SUPT6H: variants seen among roughly 807,000 people sequenced by gnomAD.
SUPT6H encodes the protein SPT6 homolog, histone chaperone and transcription elongation factor.
Under a neutral mutation model 222.3 loss-of-function variants are expected in SUPT6H, and 11 were observed. That is an observed-to-expected ratio of 0.05 (90% confidence interval 0.03 to 0.08). The LOEUF is 0.08. Among genes scored for constraint, SUPT6H ranks in the 10% least tolerant of loss-of-function variants. SUPT6H has a pLI of 1.00. For synonymous variants in SUPT6H, 762 were observed against 801.2 expected, an observed-to-expected ratio of 0.95 and a Z score of 0.83; for missense variants, 1,422 against 2,216.0, an observed-to-expected ratio of 0.64 and a Z score of 7.19.
intron 35 of SUPT6H, 120 bp from the exon 36 acceptor site, chr17:28,700,821 T>C: frequency 1.6e-6 from 2 of 1,246,154 alleles, no homozygotes; most frequent in South Asian, 2.8e-5. Flanking sequence ...CAGAAGCACA[T>C]ACTCAGTGGA....
At chr17:28,701,271 T>C in intron 36 of SUPT6H, 143 bp downstream of exon 36, 1 of 1,408,254 alleles carries the variant, frequency 7.1e-7, no homozygotes, top group South Asian at 1.3e-5. Context: ...AGTTTCTGGG[T>C]GAAGACGGAA....
chr17:28,686,168 C>T (rs954604484), intron 19 of SUPT6H, among the ~76,000 whole-genome samples, 171 bp from the exon 20 acceptor site: 1 of 152,174 alleles, frequency 6.6e-6, no homozygotes, highest in Admixed American at 6.5e-5. Flanking sequence ...TAAGCAGAGG[C>T]AGGGTTGGCC....
At chr17:28,695,570 CTG>C (rs1567703778) in intron 29 of SUPT6H, 23 bp downstream of exon 29, 7 of 1,602,916 alleles carry the variant, frequency 4.4e-6, no homozygotes. Flanking sequence ...CCCACCATCT[CTG>C]TGCACCCTGC....
Position 28,686,681 on chromosome 17 carries a change from G to A in SUPT6H, c.2592G>A (p.Val864=). ...ACGCCCAGATGTTGATTGAAGATGT[G>A]AAGCGCATTGTACATGAGCTGGACC... ...NRDAQMLIED[V]KRIVHELDQG... is the part of the protein sequence containing the mutation. Residue 864 remains valine, a synonymous_variant, in exon 21 of 37, where the codon GTG becomes GTA. Transcript: ENST00000314616. 1 of 1,603,630 alleles carries A rather than the reference G, an allele frequency of 6.2e-7. No individual in the cohort carries two copies.
chr17:28,699,040 G>A (rs934533568), intron 32 of SUPT6H, among the ~76,000 whole-genome samples: 8 of 152,210 alleles, frequency 5.3e-5, no homozygotes, highest in Admixed American at 1.3e-4. Flanking sequence ...TAACACTTAC[G>A]GAAGAGTTAG....
intron 8 of SUPT6H, 51 bp downstream of exon 8, chr17:28,677,867 C>A (rs941672969): frequency 1.3e-6 from 2 of 1,527,598 alleles, no homozygotes; most frequent in African/African-American, 1.4e-5. Context: ...GACACTTCAT[C>A]AAGATGGGGA....
chr17:28,679,773 T>C (rs2030987081), intron 11 of SUPT6H, among the ~76,000 whole-genome samples: 1 of 151,574 alleles, frequency 6.6e-6, no homozygotes, highest in African/African-American at 2.4e-5. Context: ...GGGCGGGTCA[T>C]GAGGTCAGGA....
rs1280678716 is a variant in SUPT6H at position 28,665,157 on chromosome 17, CAT to C, written c.-32+2817_-32+2818del. 2.0e-5 allele frequency among the ~76,000 whole-genome samples: 3 copies of C among 152,186 alleles called. No individual in the cohort carries two copies. In the East Asian group the frequency reaches 5.8e-4, roughly 29 times the overall value. On this transcript the variant is annotated intron_variant, in intron 1 of 36. Transcript: ENST00000314616. The stretch of plus-strand genomic sequence containing the variant: ...GCCCTGCTTGAGCATACCTCTCCCT[CAT>C]AGGCTGCTGCCTTCACCATGCTCTA...
chr17:28,674,905 T>C, intron 4 of SUPT6H, 65 bp from the exon 5 acceptor site: 1 of 1,547,942 alleles, frequency 6.5e-7, no homozygotes, highest in Non-Finnish European at 8.8e-7. Context: ...GGAGTGAGAC[T>C]GGAGATTTGG....
intron 1 of SUPT6H, among the ~76,000 whole-genome samples, chr17:28,667,435 A>ATATATATATG (rs1491494572): frequency 3.1e-5 from 4 of 128,768 alleles, no homozygotes; most frequent in African/African-American, 1.2e-4. Flanking sequence ...ATATATATAT[A>ATATATATATG]TGTATGTGTG....
chr17:28,682,881 A>G, intron 14 of SUPT6H, 25 bp downstream of exon 14: 1 of 1,614,050 alleles, frequency 6.2e-7, no homozygotes, highest in Non-Finnish European at 8.5e-7. Flanking sequence ...GGTGGCTGAC[A>G]GGAGGAGGGG....
intron 32 of SUPT6H, among the ~76,000 whole-genome samples, chr17:28,699,230 A>G (rs972696891): frequency 1.3e-5 from 2 of 152,146 alleles, no homozygotes; most frequent in African/African-American, 4.8e-5. Flanking sequence ...TCCTCACTGG[A>G]CAAATGAAGC....
At chr17:28,682,217 G>A (rs771609197) in intron 13 of SUPT6H, 42 of 460,220 alleles carry the variant, frequency 9.1e-5, no homozygotes, top group Non-Finnish European at 1.4e-4. Flanking sequence ...TGATTGGAGG[G>A]AGAGAGTCCA....
At chr17:28,696,585 C>CAAA (rs368924462) in intron 29 of SUPT6H, among the ~76,000 whole-genome samples, 40 of 54,016 alleles carry the variant, frequency 7.4e-4, no homozygotes, top group African/African-American at 1.6e-3. Context: ...GAGACTGTCT[C>CAAA]AAAAAAAAAA....
chr17:28,674,840 A>G, intron 4 of SUPT6H, 130 bp from the exon 5 acceptor site: 1 of 1,181,896 alleles, frequency 8.5e-7, no homozygotes, highest in Non-Finnish European at 1.2e-6. Flanking sequence ...CAAGAGCATC[A>G]CTCGGCATGT....
intron 13 of SUPT6H, 67 bp downstream of exon 13, chr17:28,682,047 A>T: frequency 7.5e-7 from 1 of 1,335,346 alleles, no homozygotes. Context: ...CAGAAAAAAG[A>T]CTGGTAGGTA....
At chr17:28,685,213 T>C (rs1436737259) in intron 19 of SUPT6H, among the ~76,000 whole-genome samples, 1 of 152,160 alleles carries the variant, frequency 6.6e-6, no homozygotes, top group Non-Finnish European at 1.5e-5. Flanking sequence ...TTTAACTGCC[T>C]CTTTTCTTAC....
At chr17:28,685,902 T>A (rs539202281) in intron 19 of SUPT6H, among the ~76,000 whole-genome samples, 2 of 152,270 alleles carry the variant, frequency 1.3e-5, no homozygotes, top group East Asian at 3.9e-4. Flanking sequence ...TGTGAGGCAG[T>A]GGAAAGTAAA....
At chr17:28,681,746 C>G (rs1389388856) in intron 12 of SUPT6H, 136 bp from the exon 13 acceptor site, 6 of 729,902 alleles carry the variant, frequency 8.2e-6, no homozygotes, top group Non-Finnish European at 1.3e-5. Flanking sequence ...AAAGAAAACC[C>G]AGGAGACTTG....
Sources: allele counts gnomAD v4.1 joint callset (sites outside exome capture counted in the v4.1 genomes callset), GRCh38; gene constraint gnomAD v4.1.1; transcripts MANE v1.5; gene names NCBI Gene and HGNC (gene_info 2026-07-23, HGNC 2026-07-21).